The following EDIL3 variants were observed in gnomAD, a reference collection of about 807,000 sequenced individuals.
The protein encoded by EDIL3 is EGF-like repeat and discoidin I-like domain-containing protein 3.
Under a neutral mutation model 67.4 loss-of-function variants are expected in EDIL3, and 37 were observed. That is an observed-to-expected ratio of 0.55 (90% CI 0.42 to 0.72). The LOEUF is 0.72. Among genes scored for constraint, EDIL3 ranks in the 30% least tolerant of loss-of-function variants. The probability of loss-of-function intolerance (pLI) is 0.00; values close to 1 mark genes in which losing one functional copy is unlikely to be tolerated. For synonymous variants in EDIL3, 195 were observed against 196.3 expected (o/e 0.99, Z 0.05); for missense variants, 527 against 586.3 (o/e 0.90, Z 1.04).
chr5:84,037,988 GTTTTTTTT>G (rs67762520), intron 9 of EDIL3, among the ~76,000 whole-genome samples: 22,323 of 100,234 alleles, frequency 0.22, 1,840 homozygotes, highest in East Asian at 0.33. Context: ...TTTCTTTCTT[GTTTTTTTT>G]TTTTTTTTTT....
intron 9 of EDIL3, among the ~76,000 whole-genome samples, chr5:83,992,129 G>C (rs16900810): frequency 1.3e-5 from 2 of 152,032 alleles, no homozygotes; most frequent in African/African-American, 2.4e-5. Context: ...AAGAACAATA[G>C]TGGATATTAA....
chr5:84,078,635 T>C (rs897526035), intron 6 of EDIL3: 1 of 152,148 alleles, frequency 6.6e-6, no homozygotes, highest in African/African-American at 2.4e-5. Flanking sequence ...TTACCCAGAC[T>C]GATGATAATA....
chr5:84,316,325 A>G (rs183664134), intron 1 of EDIL3, among the ~76,000 whole-genome samples: 6 of 152,340 alleles, frequency 3.9e-5, no homozygotes, highest in Admixed American at 3.3e-4. Flanking sequence ...CAAACTGGAT[A>G]AAGAGTCAAG....
chr5:84,292,619 A>C (rs904192506), intron 1 of EDIL3, among the ~76,000 whole-genome samples: 1 of 152,112 alleles, frequency 6.6e-6, no homozygotes, highest in Non-Finnish European at 1.5e-5. Flanking sequence ...ATTATATCCT[A>C]TTTTTTTAAG....
At chr5:84,311,277 G>A (rs1475656683) in intron 1 of EDIL3, among the ~76,000 whole-genome samples, 1 of 146,828 alleles carries the variant, frequency 6.8e-6, no homozygotes, top group East Asian at 2.0e-4. Flanking sequence ...CCAACTGGTA[G>A]TACCAATGTA....
intron 1 of EDIL3, among the ~76,000 whole-genome samples, chr5:84,355,129 G>A (rs754869797): frequency 2.0e-5 from 3 of 152,052 alleles, no homozygotes; most frequent in South Asian, 4.1e-4. Flanking sequence ...CCAATCAAAC[G>A]TAAGTTTGGT....
At chr5:84,381,019 A>G (rs1278213178) in intron 1 of EDIL3, among the ~76,000 whole-genome samples, 1 of 152,118 alleles carries the variant, frequency 6.6e-6, no homozygotes, top group African/African-American at 2.4e-5. Flanking sequence ...AAATTATGAC[A>G]TAGTTTTAAT....
At chr5:84,329,938 G>T (rs1746837599) in intron 1 of EDIL3, among the ~76,000 whole-genome samples, 1 of 151,970 alleles carries the variant, frequency 6.6e-6, no homozygotes, top group Admixed American at 6.6e-5. Context: ...TTTTATACAG[G>T]ATACTCAGAT....
intron 6 of EDIL3, among the ~76,000 whole-genome samples, chr5:84,071,074 G>A (rs4604180): frequency 0.34 from 51,207 of 152,034 alleles, 9,155 homozygotes; most frequent in African/African-American, 0.46. Context: ...GGCACTAGCA[G>A]GCCTGAGTGT....
chr5:83,951,496 AT>A (rs113890137), intron 10 of EDIL3, among the ~76,000 whole-genome samples: 28 of 150,028 alleles, frequency 1.9e-4, no homozygotes, highest in Admixed American at 6.7e-4. Flanking sequence ...CTTCTGTTAG[AT>A]TTTTTTTTTC....
intron 7 of EDIL3, among the ~76,000 whole-genome samples, chr5:84,065,256 TC>T (rs1444367915): frequency 6.6e-6 from 1 of 152,150 alleles, no homozygotes; most frequent in African/African-American, 2.4e-5. Flanking sequence ...TTCCGGATCA[TC>T]CAGTCTCTCT....
At chr5:84,249,439 TTTCTA>T (rs1744980138) in intron 2 of EDIL3, among the ~76,000 whole-genome samples, 1 of 151,728 alleles carries the variant, frequency 6.6e-6, no homozygotes, top group African/African-American at 2.4e-5. Flanking sequence ...ATCATCTATT[TTTCTA>T]TCTATTATCT....
intron 9 of EDIL3, among the ~76,000 whole-genome samples, chr5:83,972,961 C>A (rs188365833): frequency 4.6e-5 from 7 of 151,922 alleles, no homozygotes; most frequent in Admixed American, 3.3e-4. Context: ...AAATTGACAT[C>A]AAGTTAGGCT....
intron 5 of EDIL3, among the ~76,000 whole-genome samples, chr5:84,107,692 T>C (rs1023850221): frequency 6.6e-6 from 1 of 150,602 alleles, no homozygotes; most frequent in African/African-American, 2.4e-5. Context: ...ATACCAAATG[T>C]ATTTAGTTTT....
intron 6 of EDIL3, among the ~76,000 whole-genome samples, chr5:84,083,158 G>C (rs774783632): frequency 2.3e-4 from 35 of 152,182 alleles, no homozygotes; most frequent in Non-Finnish European, 4.1e-4. Flanking sequence ...AGATAAAATA[G>C]CTTAAAGTGT....
At chr5:84,001,910 G>C (rs963862559) in intron 9 of EDIL3, among the ~76,000 whole-genome samples, 1 of 151,482 alleles carries the variant, frequency 6.6e-6, no homozygotes, top group African/African-American at 2.4e-5. Flanking sequence ...CATTCTATGA[G>C]GCCTGTATTA....
chr5:84,118,928 A>T (rs1435050086), intron 5 of EDIL3, among the ~76,000 whole-genome samples: 3 of 152,158 alleles, frequency 2.0e-5, no homozygotes, highest in African/African-American at 7.2e-5. Context: ...ACACCAAAAT[A>T]TGGGAACTGT....
chr5:84,261,550 A>C (rs983070386), intron 1 of EDIL3, among the ~76,000 whole-genome samples: 15 of 152,232 alleles, frequency 9.9e-5, no homozygotes, highest in African/African-American at 3.6e-4. Flanking sequence ...AGTAAATTCT[A>C]GTTATTATTG....
At chr5:84,376,840 T>C (rs1747977433) in intron 1 of EDIL3, among the ~76,000 whole-genome samples, 1 of 152,166 alleles carries the variant, frequency 6.6e-6, no homozygotes, top group Non-Finnish European at 1.5e-5. Flanking sequence ...GCACAAAACA[T>C]GAAACAAGAA....
Sources: allele counts gnomAD v4.1 joint callset (sites outside exome capture counted in the v4.1 genomes callset), GRCh38; gene constraint gnomAD v4.1.1; transcripts MANE v1.5; gene names NCBI Gene and HGNC (gene_info 2026-07-23, HGNC 2026-07-21).